The following DCDC2C variants were observed in gnomAD, a reference collection of about 807,000 sequenced individuals.
The protein encoded by DCDC2C is doublecortin domain containing 2C.
Under a neutral mutation model 45.0 loss-of-function variants are expected in DCDC2C, and 44 were observed. The observed-to-expected ratio is 0.98, with a 90% CI of 0.77 to 1.26. The LOEUF (loss-of-function observed/expected upper bound fraction) is 1.26. Among genes scored for constraint, DCDC2C ranks in the 50% most tolerant of loss-of-function variants. DCDC2C has a pLI of 0.00. For synonymous variants in DCDC2C, 187 were observed against 178.8 expected, an observed-to-expected ratio of 1.05 and a Z score of -0.37; for missense variants, 447 against 468.9, an observed-to-expected ratio of 0.95 and a Z score of 0.43.
At chr2:3,816,283 C>G (rs1257833794) in intron 10 of DCDC2C, among the ~76,000 whole-genome samples, 1 of 136,534 alleles carries the variant, frequency 7.3e-6, no homozygotes, top group Non-Finnish European at 1.6e-5. Flanking sequence ...TTGGGAGGAC[C>G]CAGGTCATCC....
intron 6 of DCDC2C, among the ~76,000 whole-genome samples, chr2:3,766,122 A>G (rs1167826709): frequency 1.3e-5 from 2 of 152,048 alleles, no homozygotes; most frequent in Non-Finnish European, 2.9e-5. Context: ...ATCTCATTGC[A>G]GTGCCCGGGG....
intron 3 of DCDC2C, among the ~76,000 whole-genome samples, chr2:3,736,254 G>A (rs900006751): frequency 2.0e-5 from 3 of 152,188 alleles, no homozygotes; most frequent in African/African-American, 7.2e-5. Context: ...TTACAGGGTG[G>A]TAGGACTGAG....
At chr2:3,813,448 C>G (rs4849992) in intron 10 of DCDC2C, among the ~76,000 whole-genome samples, 90,745 of 151,716 alleles carry the variant, frequency 0.6, 27,715 homozygotes, top group East Asian at 0.73. Context: ...TTGAGTTCAA[C>G]TCCTGAATAT....
At chr2:3,776,649 G>T (rs1286045796) in intron 8 of DCDC2C, among the ~76,000 whole-genome samples, 1 of 152,174 alleles carries the variant, frequency 6.6e-6, no homozygotes, top group East Asian at 1.9e-4. Flanking sequence ...AAGGATGAGG[G>T]GTAGGGCATC....
intron 2 of DCDC2C, among the ~76,000 whole-genome samples, chr2:3,724,189 G>A (rs1199156089): frequency 6.6e-6 from 1 of 152,160 alleles, no homozygotes; most frequent in Non-Finnish European, 1.5e-5. Flanking sequence ...AGACCACATG[G>A]ACGGTAAGAC....
At chr2:3,846,308 C>G (rs972576643) in intron 10 of DCDC2C, among the ~76,000 whole-genome samples, 2 of 151,794 alleles carry the variant, frequency 1.3e-5, no homozygotes, top group African/African-American at 4.8e-5. Context: ...GTGACAGGGT[C>G]TCACTCTGTC....
intron 3 of DCDC2C, among the ~76,000 whole-genome samples, chr2:3,738,576 C>T (rs1366175870): frequency 1.4e-5 from 2 of 145,832 alleles, no homozygotes; most frequent in African/African-American, 2.5e-5. Context: ...AAAAAGCCTC[C>T]CAGCTTATAT....
intron 2 of DCDC2C, among the ~76,000 whole-genome samples, chr2:3,712,430 C>T (rs1289537222): frequency 1.3e-5 from 2 of 150,640 alleles, no homozygotes; most frequent in African/African-American, 4.9e-5. Context: ...CTTTGGGAGG[C>T]CAAGGTGGGA....
chr2:3,716,889 C>G (rs1668364286), intron 2 of DCDC2C, among the ~76,000 whole-genome samples: 1 of 152,150 alleles, frequency 6.6e-6, no homozygotes, highest in African/African-American at 2.4e-5. Flanking sequence ...CTTTCTAAGG[C>G]TGAATTCCAT....
At chr2:3,834,405 C>T (rs1672023941) in intron 10 of DCDC2C, among the ~76,000 whole-genome samples, 1 of 152,210 alleles carries the variant, frequency 6.6e-6, no homozygotes, top group Admixed American at 6.5e-5. Context: ...TCTTTACTAC[C>T]TCCATGGTTT....
intron 10 of DCDC2C, among the ~76,000 whole-genome samples, chr2:3,791,191 TAGG>T (rs1449173274): frequency 1.3e-5 from 2 of 152,226 alleles, no homozygotes; most frequent in African/African-American, 4.8e-5. Flanking sequence ...ACTCAAATAA[TAGG>T]AGAAAGATTT....
chr2:3,762,052 G>A (rs769773376), intron 6 of DCDC2C, among the ~76,000 whole-genome samples: 52 of 152,120 alleles, frequency 3.4e-4, no homozygotes, highest in Non-Finnish European at 6.9e-4. Context: ...TGATTTTGGA[G>A]GGCTTGAGAC....
chr2:3,762,377 G>A (rs1669902177), intron 6 of DCDC2C, among the ~76,000 whole-genome samples: 1 of 152,088 alleles, frequency 6.6e-6, no homozygotes, highest in South Asian at 2.1e-4. Context: ...GAAGGAAGCT[G>A]TGTGTATTCA....
At chr2:3,821,516 T>G (rs1671686764) in intron 10 of DCDC2C, among the ~76,000 whole-genome samples, 1 of 152,220 alleles carries the variant, frequency 6.6e-6, no homozygotes, top group South Asian at 2.1e-4. Context: ...TAATATACAT[T>G]TTTTATAGAT....
chr2:3,731,515 AG>A (rs1668865883), intron 3 of DCDC2C, among the ~76,000 whole-genome samples: 1 of 152,184 alleles, frequency 6.6e-6, no homozygotes. Flanking sequence ...GCTAACCGGG[AG>A]TAGATCCCAA....
Position 3,764,513 on chromosome 2 carries a change from C to A in DCDC2C, c.727-3241C>A, listed in dbSNP as rs552336722. ...GGAGGAAAGAGCATATTTGTATGTC[C>A]TGCAGATGGCATTAGCTGGAAAGGA... On this transcript the variant is annotated intron_variant, in intron 6 of 10. Transcript: ENST00000399143. Among the ~76,000 whole-genome samples, 7 of 152,344 alleles carry A rather than the reference C, an allele frequency of 4.6e-5. No homozygotes were observed. In the South Asian group the frequency reaches 1.4e-3, roughly 32 times the overall value.
At chr2:3,799,532 A>T (rs1219722137) in intron 10 of DCDC2C, among the ~76,000 whole-genome samples, 2 of 152,010 alleles carry the variant, frequency 1.3e-5, no homozygotes, top group Non-Finnish European at 2.9e-5. Context: ...ATGGTGATGT[A>T]CAGATGGGTT....
At chr2:3,762,880 G>A (rs571752810) in intron 6 of DCDC2C, among the ~76,000 whole-genome samples, 1 of 152,120 alleles carries the variant, frequency 6.6e-6, no homozygotes, top group East Asian at 1.9e-4. Flanking sequence ...AGAGAGTAGG[G>A]CTTCAGGGGA....
intron 2 of DCDC2C, chr2:3,726,000 C>T (rs977935108): frequency 1.3e-5 from 2 of 155,590 alleles, no homozygotes; most frequent in African/African-American, 4.8e-5. Context: ...TGGCGAGGAT[C>T]CCTTGAGTGG....
Sources: allele counts gnomAD v4.1 joint callset (sites outside exome capture counted in the v4.1 genomes callset), GRCh38; gene constraint gnomAD v4.1.1; transcripts MANE v1.5; gene names NCBI Gene and HGNC (gene_info 2026-07-23, HGNC 2026-07-21).